COBLL1: variants seen among roughly 807,000 people sequenced by gnomAD.
The protein encoded by COBLL1 is cordon-bleu WH2 repeat protein like 1.
Under a neutral mutation model 94.8 loss-of-function variants are expected in COBLL1, and 50 were observed. The ratio of observed to expected loss-of-function variants is 0.53; its 90% CI spans 0.42 to 0.67. The LOEUF is 0.67. Among genes scored for constraint, COBLL1 ranks in the 30% least tolerant of loss-of-function variants. The probability of loss-of-function intolerance (pLI) is 0.00; values close to 1 mark genes in which losing one functional copy is unlikely to be tolerated. For synonymous variants in COBLL1, 448 were observed against 473.8 expected, an observed-to-expected ratio of 0.95 and a Z score of 0.71; for missense variants, 1,362 against 1,348.7, an observed-to-expected ratio of 1.01 and a Z score of -0.15.
At chr2:164,786,922 C>A (rs758541194) in intron 2 of COBLL1, among the ~76,000 whole-genome samples, 3 of 152,142 alleles carry the variant, frequency 2.0e-5, no homozygotes, top group African/African-American at 7.2e-5. Context: ...CTCAAATGGA[C>A]TCTGTTCATT....
chr2:164,669,527 A>C (rs933695353), intron 1 of COBLL1, among the ~76,000 whole-genome samples: 8 of 152,138 alleles, frequency 5.3e-5, no homozygotes, highest in Non-Finnish European at 1.2e-4. Flanking sequence ...ATACACATCT[A>C]TTTTTCCAAG....
At chr2:164,701,506 G>A (rs1684254870) in intron 9 of COBLL1, among the ~76,000 whole-genome samples, 1 of 152,132 alleles carries the variant, frequency 6.6e-6, no homozygotes, top group Non-Finnish European at 1.5e-5. Context: ...TACATAGGCT[G>A]ATAACCATAC....
chr2:164,770,588 C>T lies in COBLL1; in HGVS notation c.42-26713G>A, dbSNP rs116612831. 5.2e-3 allele frequency among the ~76,000 whole-genome samples: 792 copies of T among 152,260 alleles called. 12 individuals carry two copies. Among genetic ancestry groups the T allele is most frequent in the African/African-American group, 0.018 (731 of 41,562 alleles). On this transcript the variant is annotated intron_variant, in intron 2 of 13. Transcript: ENST00000652658. ...TTCCTGGCCCGCCCAACTACCATCA[C>T]ATTCAGTACCATAGAAAGGTATCTG...
chr2:164,794,703 C>T (rs1391640872), intron 2 of COBLL1, among the ~76,000 whole-genome samples: 3 of 152,056 alleles, frequency 2.0e-5, no homozygotes, highest in South Asian at 2.1e-4. Context: ...GGGCTCAGTA[C>T]ATACGCAGCA....
chr2:164,819,714 T>C (rs1277411823), intron 2 of COBLL1, among the ~76,000 whole-genome samples: 1 of 152,198 alleles, frequency 6.6e-6, no homozygotes, highest in Non-Finnish European at 1.5e-5. Flanking sequence ...AAATATGCCC[T>C]TAGCTTTAAA....
chr2:164,818,540 CAT>C lies in COBLL1; in HGVS notation c.41+22614_41+22615del, dbSNP rs748425873. On this transcript the variant is annotated intron_variant, in intron 2 of 13. Transcript: ENST00000652658. ...TACTTATATACAATATACATATTTA[CAT>C]ATATGTGTACATATGTACACATATA... 1.7e-3 allele frequency among the ~76,000 whole-genome samples: 194 copies of C among 115,556 alleles called. 1 individual carries two copies. Among genetic ancestry groups the C allele is most frequent in the African/African-American group, 4.3e-3 (161 of 37,364 alleles). 75.8% of individuals were successfully genotyped at this position (115,556 alleles called of 152,430 possible).
At chr2:164,664,999 G>T (rs1244512431) in intron 2 of COBLL1, among the ~76,000 whole-genome samples, 4 of 152,088 alleles carry the variant, frequency 2.6e-5, no homozygotes, top group African/African-American at 9.7e-5. Flanking sequence ...AAATAGAAAT[G>T]AAAGGTTAAA....
intron 2 of COBLL1, among the ~76,000 whole-genome samples, chr2:164,814,454 A>C (rs1020076725): frequency 1.3e-5 from 2 of 152,202 alleles, no homozygotes; most frequent in African/African-American, 4.8e-5. Flanking sequence ...GGTGTGTCTT[A>C]TCTCTCATCC....
At chr2:164,834,649 A>ATAT (rs1244977452) in intron 2 of COBLL1, among the ~76,000 whole-genome samples, 2 of 152,002 alleles carry the variant, frequency 1.3e-5, no homozygotes, top group Admixed American at 1.3e-4. Flanking sequence ...CAGAGGGCAA[A>ATAT]TATTTTTAGC....
chr2:164,731,763 C>T (rs1402030280), intron 3 of COBLL1, among the ~76,000 whole-genome samples: 1 of 152,190 alleles, frequency 6.6e-6, no homozygotes, highest in Middle Eastern at 3.2e-3. Flanking sequence ...AACCTGGTTA[C>T]TGGCTTTTGG....
intron 2 of COBLL1, among the ~76,000 whole-genome samples, chr2:164,793,169 G>C (rs1360496557): frequency 6.6e-6 from 1 of 152,146 alleles, no homozygotes; most frequent in South Asian, 2.1e-4. Flanking sequence ...ATTCAAACCT[G>C]TGAAACACCC....
intron 3 of COBLL1, among the ~76,000 whole-genome samples, chr2:164,741,558 G>A (rs930387076): frequency 1.2e-4 from 18 of 151,526 alleles, no homozygotes; most frequent in Admixed American, 1.3e-4. Flanking sequence ...AAGCCAATAG[G>A]CGCCAAGCCC....
At chr2:164,767,525 A>AT (rs201033892) in intron 2 of COBLL1, among the ~76,000 whole-genome samples, 1 of 140,488 alleles carries the variant, frequency 7.1e-6, no homozygotes, top group Non-Finnish European at 1.5e-5. Context: ...TGAAAGCTTT[A>AT]TTTTTTAAAT....
chr2:164,695,922 AGTTTG>A lies in COBLL1; in HGVS notation c.1556-91_1556-87del, dbSNP rs1683922281. 7 of 1,089,260 alleles carry A rather than the reference AGTTTG, an allele frequency of 6.4e-6. No homozygotes were observed. In the South Asian group the frequency reaches 8.2e-5, roughly 13 times the overall value. The allele number at this position is 1,089,260 out of a possible 1,614,324, so 67.5% of individuals were successfully genotyped here. ...ATGCCTACTTTCTCCAACCTGAAATAGTTTGGTTTGAATTCTACAGATAATTTTCA... is the reference window on the plus strand; with the variant it reads ...ATGCCTACTTTCTCCAACCTGAAATAGTTTGAATTCTACAGATAATTTTCA... On this transcript the variant is annotated intron_variant, in intron 11 of 13. Coordinates refer to ENST00000652658, the MANE Select transcript of COBLL1 (RefSeq NM_001365672.2).
chr2:164,791,280 T>C lies in COBLL1; in HGVS notation c.42-47405A>G, dbSNP rs568385028. 3.9e-5 allele frequency among the ~76,000 whole-genome samples: 6 copies of C among 152,296 alleles called. 1 individual carries two copies. The South Asian group carries it at 1.0e-3, about 26-fold the overall frequency. On this transcript the variant is annotated intron_variant, in intron 2 of 13. Coordinates refer to ENST00000652658, the MANE Select transcript of COBLL1 (RefSeq NM_001365672.2). Reference sequence around the variant, plus strand: ...TCAAAATACTTTTTAAAAAGTTACCTACATATATTAATCAAATATTTATTT... The same window carrying C: ...TCAAAATACTTTTTAAAAAGTTACCCACATATATTAATCAAATATTTATTT...
intron 2 of COBLL1, among the ~76,000 whole-genome samples, chr2:164,760,067 G>A (rs1420617277): frequency 6.6e-6 from 1 of 152,130 alleles, no homozygotes; most frequent in Non-Finnish European, 1.5e-5. Context: ...CAAGAGTAGT[G>A]AAAACTTATA....
In COBLL1 at chr2:164,747,799, A is replaced by C. The variant is rs1237255689; in HGVS notation, c.42-3924T>G. On this transcript the variant is annotated intron_variant, in intron 2 of 13. Transcript: ENST00000652658. ...CATTTACATTAGACTTCTAGGAAAAACATCCTAATGTTCTCAGTTGTTATT... is the reference window on the plus strand; with the variant it reads ...CATTTACATTAGACTTCTAGGAAAACCATCCTAATGTTCTCAGTTGTTATT... Among the ~76,000 whole-genome samples the C allele has an allele frequency of 1.3e-5, 2 of 152,146 alleles. 1 individual carries two copies. Among genetic ancestry groups the C allele is most frequent in the Middle Eastern group, 6.3e-3 (2 of 316 alleles).
intron 13 of COBLL1, among the ~76,000 whole-genome samples, chr2:164,691,654 C>A (rs1683598975): frequency 6.6e-6 from 1 of 152,132 alleles, no homozygotes; most frequent in African/African-American, 2.4e-5. Flanking sequence ...TGAGAAAAAG[C>A]AGACTTCCTC....
At position 164,780,983 on chromosome 2, in the gene COBLL1, C is replaced by T. The variant is rs114452502; in HGVS notation, c.42-37108G>A. ...GTGCGTATTTTCTCCTGGGCGTTTC[C>T]TTATACTTAGGAGAATTTTAAATAC... On this transcript the variant is annotated intron_variant, in intron 2 of 13. Transcript: ENST00000652658. Among the ~76,000 whole-genome samples the T allele has an allele frequency of 8.7e-3, 1,319 of 152,196 alleles. 24 individuals are homozygous for T. The highest frequency in any genetic ancestry group is 0.03 in the African/African-American group (1,262 of 41,514).
Sources: gnomAD v4.1 joint callset for allele counts (sites outside exome capture counted in the v4.1 genomes callset) on GRCh38, gnomAD v4.1.1 for gene constraint, MANE v1.5 for transcripts, NCBI Gene and HGNC (gene_info 2026-07-23, HGNC 2026-07-21) for gene names.